Variants in DTYMK observed in about 807,000 individuals in gnomAD.
The protein encoded by DTYMK is thymidylate kinase.
DTYMK carries 20 observed loss-of-function variants against 20.3 expected under a neutral mutation model. The observed-to-expected ratio is 0.99, with a 90% confidence interval of 0.69 to 1.43. The LOEUF (loss-of-function observed/expected upper bound fraction) is 1.43, where lower values mean the gene tolerates loss of function less well. DTYMK is among the 40% of genes most tolerant of loss of function. DTYMK has a pLI of 0.00. For missense variants in DTYMK, 320 were observed against 291.1 expected, an observed-to-expected ratio of 1.10 and a Z score of -0.72; for synonymous variants, 148 against 124.4, an observed-to-expected ratio of 1.19 and a Z score of -1.27.
intron 2 of DTYMK, among the ~76,000 whole-genome samples, chr2:241,684,489 T>C (rs1443319538): frequency 6.6e-6 from 1 of 152,188 alleles, no homozygotes; most frequent in East Asian, 1.9e-4. Context: ...AGCAGGGAAC[T>C]GGCTACACGT....
At chr2:241,677,011 G>A (rs771399045) in intron 4 of DTYMK, among the ~76,000 whole-genome samples, 10 of 152,226 alleles carry the variant, frequency 6.6e-5, no homozygotes, top group East Asian at 3.8e-4. Flanking sequence ...TGAACGGTGC[G>A]AGGAGCGTGG....
intron 3 of DTYMK, among the ~76,000 whole-genome samples, chr2:241,679,357 C>G (rs545819654): frequency 6.6e-6 from 1 of 152,332 alleles, no homozygotes; most frequent in East Asian, 1.9e-4. Flanking sequence ...GCTCTGTCAG[C>G]TGATCCGCAC....
In DTYMK at chr2:241,680,274, C is replaced by G; in HGVS notation, c.285G>C (p.Val95=). The G allele has an allele frequency of 6.2e-7, 1 of 1,614,176 alleles. No homozygotes were observed. The highest frequency in any genetic ancestry group is 1.1e-5 in the South Asian group (1 of 91,088). ...CCACACCAGAAAATGCGTATCTGTCCACGACGAGGGTCACGCCCTGGCTCA... is the reference window on the plus strand; with the variant it reads ...CCACACCAGAAAATGCGTATCTGTCGACGACGAGGGTCACGCCCTGGCTCA... ...EKLSQGVTLV[V]DRYAFSGVAF... The change falls in exon 3 of 5, where the codon GTG becomes GTC. Residue 95 remains valine (V), a synonymous_variant. Transcript: ENST00000305784.
At chr2:241,677,686 C>G (rs956053762) in intron 4 of DTYMK, among the ~76,000 whole-genome samples, 1 of 152,196 alleles carries the variant, frequency 6.6e-6, no homozygotes, top group African/African-American at 2.4e-5. Flanking sequence ...TGCGAGTCCA[C>G]TGGGAGGGGA....
At position 241,686,722 on chromosome 2, in the gene DTYMK, G is replaced by A. The variant is rs1342954197; in HGVS notation, c.62C>T (p.Thr21Met). The change falls in exon 1 of 5, where the codon ACG becomes ATG. Residue 21 changes from threonine (T) to methionine (M), a missense_variant. By Grantham distance (81) the Thr-to-Met change is moderately conservative. Coordinates refer to ENST00000305784, the MANE Select transcript of DTYMK (RefSeq NM_012145.4). ...LEGVDRAGKSTQSRKLVEALC... is the reference protein window; with the variant it reads ...LEGVDRAGKSMQSRKLVEALC... ...CGCTTCCACCAGCTTGCGGCTCTGC[G>A]TGCTCTTCCCGGCGCGGTCCACGCC... The A allele has an allele frequency of 1.3e-5, 20 of 1,545,992 alleles. No individual in the cohort carries two copies. The South Asian group carries it at 2.2e-4, about 17-fold the overall frequency.
chr2:241,676,302 G>A, intron 4 of DTYMK, 65 bp from the exon 5 acceptor site: 8 of 1,463,318 alleles, frequency 5.5e-6, no homozygotes, highest in Non-Finnish European at 6.5e-6. Flanking sequence ...GGTCACGGGA[G>A]CCCACGCCTG....
rs2125161339 is a variant in DTYMK, at chr2:241,678,572, C to G, written c.408G>C (p.Gln136His). Residue 136 changes from glutamine (Q) to histidine (H), a missense_variant, in exon 4 of 5, where the codon CAG (glutamine) becomes CAC (histidine). Transcript: ENST00000305784. ...KPDLVLFLQL[Q>H]LADAAKRGAF... Reference sequence around the variant, plus strand: ...CTCCCCGCTTGGCAGCATCCGCCAGCTGTAACTGGAGGAACAGGACCAGGT... The same window carrying G: ...CTCCCCGCTTGGCAGCATCCGCCAGGTGTAACTGGAGGAACAGGACCAGGT... 1 of 1,614,204 alleles carries G rather than the reference C, an allele frequency of 6.2e-7. No homozygotes were observed. Among genetic ancestry groups the G allele is most frequent in the South Asian group, 1.1e-5 (1 of 91,084 alleles).
chr2:241,677,527 G>A (rs546984626), intron 4 of DTYMK, among the ~76,000 whole-genome samples: 31 of 152,394 alleles, frequency 2.0e-4, no homozygotes, highest in African/African-American at 4.6e-4. Context: ...TCCGCGGGCC[G>A]TGGCCACAAG....
At chr2:241,676,447 G>T (rs1310165552) in intron 4 of DTYMK, among the ~76,000 whole-genome samples, 2 of 152,186 alleles carry the variant, frequency 1.3e-5, no homozygotes, top group African/African-American at 2.4e-5. Context: ...GGGTGACACA[G>T]TAACACCCTG....
At chr2:241,677,479 C>T (rs934735766) in intron 4 of DTYMK, among the ~76,000 whole-genome samples, 9 of 152,248 alleles carry the variant, frequency 5.9e-5, no homozygotes, top group Non-Finnish European at 1.0e-4. Flanking sequence ...GCGAGACCCT[C>T]GGCCCTGCTC....
At chr2:241,678,953 A>G (rs2069180484) in intron 3 of DTYMK, among the ~76,000 whole-genome samples, 1 of 152,228 alleles carries the variant, frequency 6.6e-6, no homozygotes, top group African/African-American at 2.4e-5. Context: ...CCTGCTGGCC[A>G]GGAGCAAACA....
chr2:241,678,087 C>G (rs1230241589), intron 4 of DTYMK, among the ~76,000 whole-genome samples: 1 of 152,028 alleles, frequency 6.6e-6, no homozygotes, highest in Non-Finnish European at 1.5e-5. Flanking sequence ...ACCAGCCTGA[C>G]CAACGTGGAG....
chr2:241,677,173 A>T (rs1390449022), intron 4 of DTYMK, among the ~76,000 whole-genome samples: 2 of 152,178 alleles, frequency 1.3e-5, no homozygotes, highest in South Asian at 2.1e-4. Flanking sequence ...AATTCTAGAA[A>T]ATCTGCCAGG....
chr2:241,678,001 C>T (rs920484713), intron 4 of DTYMK, among the ~76,000 whole-genome samples: 3 of 152,168 alleles, frequency 2.0e-5, no homozygotes, highest in Non-Finnish European at 4.4e-5. Context: ...ACTGGCCGGG[C>T]GCGATGGCTC....
chr2:241,676,016 A>G lies in DTYMK; in HGVS notation c.*111T>C. On this transcript the variant is annotated 3_prime_UTR_variant, in exon 5 of 5. Coordinates refer to ENST00000305784, the MANE Select transcript of DTYMK (RefSeq NM_012145.4). ...AGCCTGCAGATCTCTGCTGCCGGGAAAGAGCTCCTGAAGTTGTGGGGTCTG... is the reference window on the plus strand; with the variant it reads ...AGCCTGCAGATCTCTGCTGCCGGGAGAGAGCTCCTGAAGTTGTGGGGTCTG... 9.7e-7 allele frequency: 1 copy of G among 1,031,196 alleles called. No homozygotes were observed. The highest frequency in any genetic ancestry group is 2.8e-5 in the East Asian group (1 of 35,414). 63.9% of individuals were successfully genotyped at this position (1,031,196 alleles called of 1,614,324 possible).
chr2:241,679,206 C>G (rs552412879), intron 3 of DTYMK, among the ~76,000 whole-genome samples: 1 of 152,352 alleles, frequency 6.6e-6, no homozygotes, highest in African/African-American at 2.4e-5. Flanking sequence ...CCCTCCCTTA[C>G]TCATCCCATC....
chr2:241,677,077 G>A (rs1288550524), intron 4 of DTYMK, among the ~76,000 whole-genome samples: 1 of 152,270 alleles, frequency 6.6e-6, no homozygotes, highest in African/African-American at 2.4e-5. Flanking sequence ...GGCAGTGAGA[G>A]GGACTCAGAA....
intron 3 of DTYMK, among the ~76,000 whole-genome samples, chr2:241,679,806 T>G (rs1315459686): frequency 6.6e-6 from 1 of 151,900 alleles, no homozygotes; most frequent in Non-Finnish European, 1.5e-5. Flanking sequence ...CCGTCTCTAC[T>G]AAAAGTATGA....
At position 241,676,231 on chromosome 2, in the gene DTYMK, C is replaced by T. The variant is rs779936438; in HGVS notation, c.535G>A (p.Asp179Asn). 6.2e-7 allele frequency: 1 copy of T among 1,610,904 alleles called. No individual in the cohort carries two copies. Among genetic ancestry groups the T allele is most frequent in the Non-Finnish European group, 8.5e-7 (1 of 1,179,080 alleles). The change falls in exon 5 of 5, where the codon GAT (aspartate) becomes AAT (asparagine). Residue 179 changes from aspartate to asparagine, a missense_variant. Asp to Asn is a conservative substitution (Grantham distance 23). Transcript: ENST00000305784. Reference sequence around the variant, plus strand: ...ACAGCTTCGATGCTTTTGGAAGCATCCACCATCTGTTCCCACCGGGGTTTC... The same window carrying T: ...ACAGCTTCGATGCTTTTGGAAGCATTCACCATCTGTTCCCACCGGGGTTTC... ...KDTTLNWKMVDASKSIEAVHE... is the reference protein window; with the variant it reads ...KDTTLNWKMVNASKSIEAVHE...
Sources: allele counts gnomAD v4.1 joint callset (sites outside exome capture counted in the v4.1 genomes callset), GRCh38; gene constraint gnomAD v4.1.1; transcripts MANE v1.5; gene names NCBI Gene and HGNC (gene_info 2026-07-23, HGNC 2026-07-21).